PIWIL1: variants seen among roughly 807,000 people sequenced by gnomAD.
PIWIL1 encodes piwi like RNA-mediated gene silencing 1.
PIWIL1 carries 73 observed loss-of-function variants against 114.4 expected under a neutral mutation model. The ratio of observed to expected loss-of-function variants is 0.64; its 90% confidence interval spans 0.53 to 0.78. The LOEUF is 0.78. Ranked by LOEUF, PIWIL1 falls within the 30% of genes least tolerant of loss-of-function variation. The pLI, the probability that PIWIL1 is intolerant of heterozygous loss-of-function variation, is 0.00. For synonymous variants in PIWIL1, 375 were observed against 369.0 expected, an observed-to-expected ratio of 1.02 and a Z score of -0.19; for missense variants, 723 against 1,063.1, an observed-to-expected ratio of 0.68 and a Z score of 4.45.
chr12:130,404,557 C>T, the PIWIL1 span, among the ~76,000 whole-genome samples: 4 of 152,198 alleles, frequency 2.6e-5, no homozygotes, highest in African/African-American at 9.6e-5. Flanking sequence ...GCCTCAGCCT[C>T]CGCATGAGTC....
chr12:130,356,285 A>T (rs943184432), intron 12 of PIWIL1, among the ~76,000 whole-genome samples: 10 of 141,732 alleles, frequency 7.1e-5, no homozygotes, highest in African/African-American at 1.3e-4. Flanking sequence ...CAACATTTTC[A>T]TTTTTTTTTT....
chr12:130,373,305 G>T (rs1394952248), downstream of PIWIL1, among the ~76,000 whole-genome samples: 1 of 152,092 alleles, frequency 6.6e-6, no homozygotes, highest in African/African-American at 2.4e-5. Flanking sequence ...TATGGATTTT[G>T]GTGGCTAGTC....
intron 1 of PIWIL1, among the ~76,000 whole-genome samples, chr12:130,341,411 C>G (rs1005901594): frequency 1.3e-5 from 2 of 152,208 alleles, no homozygotes; most frequent in Non-Finnish European, 2.9e-5. Flanking sequence ...GAGAATTCTA[C>G]CAAAGATATT....
At chr12:130,366,996 T>C in intron 18 of PIWIL1, 137 bp from the exon 19 acceptor site, 1 of 1,002,536 alleles carries the variant, frequency 1.0e-6, no homozygotes. Flanking sequence ...ATCCTGATCC[T>C]TCTCCACAAC....
chr12:130,347,156 C>A, intron 6 of PIWIL1, 94 bp downstream of exon 6: 1 of 950,684 alleles, frequency 1.1e-6, no homozygotes, highest in Non-Finnish European at 1.6e-6. Flanking sequence ...AGATTTTCAG[C>A]ATTGGTTGGG....
chr12:130,376,966 C>G (rs1352622514), downstream of PIWIL1, among the ~76,000 whole-genome samples: 1 of 152,164 alleles, frequency 6.6e-6, no homozygotes, highest in African/African-American at 2.4e-5. Flanking sequence ...GTGCTCGGAG[C>G]CCAAGTTCCC....
the PIWIL1 span, chr12:130,421,058 G>A: frequency 3.9e-5 from 6 of 152,188 alleles, no homozygotes; most frequent in Non-Finnish European, 8.8e-5. Context: ...TGAGAGCCTT[G>A]AACAGGGGGA....
the PIWIL1 span, among the ~76,000 whole-genome samples, chr12:130,416,293 C>G: frequency 2.6e-5 from 4 of 152,134 alleles, no homozygotes. Flanking sequence ...AGGAACAAAT[C>G]CGGAGGCATC....
chr12:130,339,206 G>T (rs868715109), intron 1 of PIWIL1, among the ~76,000 whole-genome samples: 1 of 152,124 alleles, frequency 6.6e-6, no homozygotes, highest in Non-Finnish European at 1.5e-5. Context: ...GAGGCCCGGG[G>T]GTCCTCGCGG....
At chr12:130,340,519 G>A (rs2072880845) in intron 1 of PIWIL1, among the ~76,000 whole-genome samples, 1 of 151,734 alleles carries the variant, frequency 6.6e-6, no homozygotes, top group African/African-American at 2.4e-5. Flanking sequence ...TGCCTCCACT[G>A]ATCTAACAGG....
the PIWIL1 span, among the ~76,000 whole-genome samples, chr12:130,423,497 G>A: frequency 1.3e-5 from 2 of 152,128 alleles, no homozygotes; most frequent in African/African-American, 4.8e-5. Context: ...ACACAATATA[G>A]AGATGAATGA....
the PIWIL1 span, chr12:130,399,850 T>A: frequency 6.2e-7 from 1 of 1,611,304 alleles, no homozygotes; most frequent in Non-Finnish European, 8.5e-7. Context: ...AACTATTTAT[T>A]TTTCTAGAAA....
At chr12:130,345,667 A>T in intron 3 of PIWIL1, 86 bp from the exon 4 acceptor site, 3 of 1,420,764 alleles carry the variant, frequency 2.1e-6, no homozygotes, top group Non-Finnish European at 3.0e-6. Flanking sequence ...TATCCTTTGG[A>T]TTACACATAA....
downstream of PIWIL1, among the ~76,000 whole-genome samples, chr12:130,373,037 A>G (rs1441156180): frequency 1.3e-5 from 2 of 152,208 alleles, no homozygotes; most frequent in East Asian, 3.8e-4. Context: ...CCTCATTAAC[A>G]TATTATGAAT....
chr12:130,374,004 G>A (rs113951389), downstream of PIWIL1, among the ~76,000 whole-genome samples: 295 of 152,240 alleles, frequency 1.9e-3, 1 homozygote, highest in African/African-American at 6.6e-3. Flanking sequence ...CCAAAGCTTC[G>A]TCTGACCAGT....
At chr12:130,385,859 T>G in the PIWIL1 span, among the ~76,000 whole-genome samples, 4 of 152,326 alleles carry the variant, frequency 2.6e-5, no homozygotes, top group East Asian at 7.7e-4. Context: ...AATTTTAAAT[T>G]TATGCCTATC....
chr12:130,357,574 T>G, intron 14 of PIWIL1, 21 bp downstream of exon 14: 2 of 1,548,214 alleles, frequency 1.3e-6, no homozygotes, highest in Non-Finnish European at 1.8e-6. Context: ...AATTGACATA[T>G]AGGCAGTTTT....
At chr12:130,399,971 A>T in the PIWIL1 span, among the ~76,000 whole-genome samples, 1 of 152,194 alleles carries the variant, frequency 6.6e-6, no homozygotes, top group African/African-American at 2.4e-5. Flanking sequence ...AGGGTTTCCA[A>T]ATTTTCCTCA....
At chr12:130,376,771 T>G (rs931141090), downstream of PIWIL1, among the ~76,000 whole-genome samples, 7 of 152,200 alleles carry the variant, frequency 4.6e-5, no homozygotes, top group African/African-American at 1.7e-4. Flanking sequence ...GCCCCGACTT[T>G]GGTCCATTTT....
Sources: allele counts gnomAD v4.1 joint callset (sites outside exome capture counted in the v4.1 genomes callset), GRCh38; gene constraint gnomAD v4.1.1; transcripts MANE v1.5; gene names NCBI Gene and HGNC (gene_info 2026-07-23, HGNC 2026-07-21).